The following TBCA variants were observed in gnomAD, a reference collection of about 807,000 sequenced individuals.
TBCA encodes the protein tubulin folding cofactor A, also known as tubulin-specific chaperone A.
TBCA carries 6 observed loss-of-function variants against 15.8 expected under a neutral mutation model. That is an observed-to-expected ratio of 0.38 (90% CI 0.21 to 0.75). TBCA has a LOEUF of 0.75. Among genes scored for constraint, TBCA ranks in the 30% least tolerant of loss-of-function variants. TBCA has a pLI of 0.46. For synonymous variants in TBCA, 32 were observed against 42.3 expected (o/e 0.76, Z 0.94); for missense variants, 90 against 131.2 (o/e 0.69, Z 1.53).
At chr5:77,716,696 C>G (rs1217422565) in intron 1 of TBCA, among the ~76,000 whole-genome samples, 1 of 152,162 alleles carries the variant, frequency 6.6e-6, no homozygotes, top group Non-Finnish European at 1.5e-5. Context: ...AACTCCATAT[C>G]CTTAGCTACT....
intron 1 of TBCA, among the ~76,000 whole-genome samples, chr5:77,750,229 T>C (rs1271049810): frequency 6.6e-6 from 1 of 151,860 alleles, no homozygotes; most frequent in Non-Finnish European, 1.5e-5. Context: ...GATATACATA[T>C]GATATATATA....
At chr5:77,758,176 A>G (rs573822282) in intron 1 of TBCA, among the ~76,000 whole-genome samples, 15 of 150,594 alleles carry the variant, frequency 1.0e-4, no homozygotes, top group Non-Finnish European at 2.1e-4. Flanking sequence ...AGACCCTCTC[A>G]TATTGTTTTA....
At chr5:77,767,924 T>C (rs1458567827) in intron 1 of TBCA, among the ~76,000 whole-genome samples, 1 of 152,202 alleles carries the variant, frequency 6.6e-6, no homozygotes, top group African/African-American at 2.4e-5. Flanking sequence ...ATGGGGCCTT[T>C]AGGTGATTAG....
intron 1 of TBCA, among the ~76,000 whole-genome samples, chr5:77,726,040 C>T (rs904763976): frequency 6.6e-6 from 1 of 152,150 alleles, no homozygotes; most frequent in African/African-American, 2.4e-5. Context: ...GAATTAGACT[C>T]GACACACATT....
At chr5:77,708,630 C>T (rs1395796898) in intron 1 of TBCA, 23 of 173,272 alleles carry the variant, frequency 1.3e-4, no homozygotes, top group Non-Finnish European at 2.1e-4. Flanking sequence ...AGTGCAGTGG[C>T]GAGATCTTGG....
chr5:77,718,567 C>T (rs992883436), intron 1 of TBCA, among the ~76,000 whole-genome samples: 1 of 152,192 alleles, frequency 6.6e-6, no homozygotes, highest in Non-Finnish European at 1.5e-5. Context: ...CTATACAGTA[C>T]AATGTATGTA....
intron 1 of TBCA, among the ~76,000 whole-genome samples, chr5:77,775,947 G>T (rs923429513): frequency 3.9e-5 from 6 of 152,160 alleles, no homozygotes; most frequent in African/African-American, 1.4e-4. Flanking sequence ...CCGAGAAACC[G>T]GGCCACCGCC....
chr5:77,693,666 G>GC, intron 2 of TBCA: 1 of 288,416 alleles, frequency 3.5e-6, no homozygotes, highest in Non-Finnish European at 6.7e-6. Flanking sequence ...GGGCGTGGTG[G>GC]AGCATGCCTG....
chr5:77,766,253 G>C (rs1411679375), intron 1 of TBCA, among the ~76,000 whole-genome samples: 1 of 151,840 alleles, frequency 6.6e-6, no homozygotes, highest in Non-Finnish European at 1.5e-5. Flanking sequence ...GTTAATTCTA[G>C]GTAAACTACA....
chr5:77,732,574 A>AAAG (rs1746799735), intron 1 of TBCA, among the ~76,000 whole-genome samples: 2 of 150,336 alleles, frequency 1.3e-5, no homozygotes, highest in South Asian at 4.2e-4. Context: ...AAAAAAAAAA[A>AAAG]AAATTGAAGG....
chr5:77,694,811 A>G (rs1339404496), intron 2 of TBCA, among the ~76,000 whole-genome samples: 1 of 152,174 alleles, frequency 6.6e-6, no homozygotes, highest in Non-Finnish European at 1.5e-5. Flanking sequence ...TAACATACAA[A>G]GAAGTTCTTT....
intron 1 of TBCA, among the ~76,000 whole-genome samples, chr5:77,752,481 A>T (rs1316488132): frequency 6.6e-6 from 1 of 152,180 alleles, no homozygotes; most frequent in Admixed American, 6.5e-5. Context: ...CTACTGCCTC[A>T]GCCTCCAAAG....
chr5:77,693,668 G>GGCAC, intron 2 of TBCA: 1 of 285,730 alleles, frequency 3.5e-6, no homozygotes, highest in Non-Finnish European at 6.8e-6. Context: ...GCGTGGTGGA[G>GGCAC]CATGCCTGTA....
intron 1 of TBCA, among the ~76,000 whole-genome samples, chr5:77,740,223 T>C (rs1378291844): frequency 6.6e-6 from 1 of 152,240 alleles, no homozygotes; most frequent in Non-Finnish European, 1.5e-5. Context: ...GGGTACTAGG[T>C]TATAACCTTA....
At chr5:77,747,841 G>A (rs1054158424) in intron 1 of TBCA, among the ~76,000 whole-genome samples, 1 of 152,062 alleles carries the variant, frequency 6.6e-6, no homozygotes, top group Non-Finnish European at 1.5e-5. Context: ...ATTGAAAAAT[G>A]TTTTCTCCTT....
At chr5:77,757,345 A>G (rs183758947) in intron 1 of TBCA, among the ~76,000 whole-genome samples, 152 of 152,312 alleles carry the variant, frequency 1.0e-3, no homozygotes, top group African/African-American at 3.4e-3. Context: ...ACTGCTCTCT[A>G]GCATCCTAGA....
chr5:77,752,690 C>G (rs1231972579), intron 1 of TBCA, among the ~76,000 whole-genome samples: 1 of 115,248 alleles, frequency 8.7e-6, no homozygotes, highest in African/African-American at 3.1e-5. Context: ...TCCCGAGTAG[C>G]TGGGACTACA....
chr5:77,751,169 T>C (rs1401502338), intron 1 of TBCA, among the ~76,000 whole-genome samples: 3 of 142,462 alleles, frequency 2.1e-5, no homozygotes, highest in African/African-American at 5.2e-5. Flanking sequence ...CTTTTTTTTT[T>C]TTTTTTTTTT....
chr5:77,740,142 G>C (rs1746999698), intron 1 of TBCA, among the ~76,000 whole-genome samples: 1 of 152,198 alleles, frequency 6.6e-6, no homozygotes, highest in Non-Finnish European at 1.5e-5. Context: ...ATTAAAATTT[G>C]CTTTGAAAAT....
Sources: gnomAD v4.1 joint callset for allele counts (sites outside exome capture counted in the v4.1 genomes callset) on GRCh38, gnomAD v4.1.1 for gene constraint, MANE v1.5 for transcripts, NCBI Gene and HGNC (gene_info 2026-07-23, HGNC 2026-07-21) for gene names.